Variants in TENM3 observed in about 807,000 individuals in gnomAD.
TENM3 encodes teneurin transmembrane protein 3.
Under a neutral mutation model 255.1 loss-of-function variants are expected in TENM3, and 63 were observed. That is an observed-to-expected ratio of 0.25 (90% CI 0.20 to 0.30). The LOEUF is 0.30. TENM3 is among the 10% of genes least tolerant of loss of function. The pLI is 1.00. For synonymous variants in TENM3, 1,306 were observed against 1,322.3 expected (o/e 0.99, Z 0.27); for missense variants, 2,929 against 3,461.1 (o/e 0.85, Z 3.86).
At chr4:181,779,255 TTTAAG>T in the TENM3 span, among the ~76,000 whole-genome samples, 9 of 132,202 alleles carry the variant, frequency 6.8e-5, no homozygotes, top group South Asian at 9.5e-4. Context: ...TTTCTTTTAC[TTTAAG>T]TTATTTATTT....
chr4:182,371,741 C>T (rs185094393), intron 3 of TENM3, among the ~76,000 whole-genome samples: 1 of 152,292 alleles, frequency 6.6e-6, no homozygotes, highest in Admixed American at 6.5e-5. Context: ...CTCTCCCTCC[C>T]GTCCCCTCTC....
At chr4:182,346,338 C>T (rs891304430) in intron 2 of TENM3, among the ~76,000 whole-genome samples, 3 of 152,044 alleles carry the variant, frequency 2.0e-5, no homozygotes, top group African/African-American at 7.2e-5. Context: ...AAAATTCTAT[C>T]ATTGCACTAA....
At chr4:182,382,103 G>A (rs571724298) in intron 3 of TENM3, among the ~76,000 whole-genome samples, 1 of 152,296 alleles carries the variant, frequency 6.6e-6, no homozygotes, top group East Asian at 1.9e-4. Flanking sequence ...ATGTGGATTT[G>A]GTTGACTATC....
intron 1 of TENM3, among the ~76,000 whole-genome samples, chr4:182,306,608 T>C (rs916424951): frequency 1.3e-5 from 2 of 152,180 alleles, no homozygotes; most frequent in Admixed American, 1.3e-4. Flanking sequence ...TGGATAAATA[T>C]TGTGATACTC....
chr4:182,187,047 T>G (rs1753208312), intron 1 of TENM3, among the ~76,000 whole-genome samples: 1 of 151,410 alleles, frequency 6.6e-6, no homozygotes. Flanking sequence ...TTCAACAGAC[T>G]TTTCTTCCCT....
At chr4:181,922,985 G>T in the TENM3 span, among the ~76,000 whole-genome samples, 6 of 151,958 alleles carry the variant, frequency 3.9e-5, no homozygotes, top group African/African-American at 9.7e-5. Context: ...CCTTCATTTC[G>T]TTATGTACCC....
At chr4:182,062,155 G>A in the TENM3 span, among the ~76,000 whole-genome samples, 10 of 152,092 alleles carry the variant, frequency 6.6e-5, no homozygotes, top group Admixed American at 6.6e-5. Flanking sequence ...TCAAACACAC[G>A]CTGGTAGTAC....
rs188310551 is a variant in TENM3 at position 182,560,554 on chromosome 4, C to T, written c.512-40370C>T. 4.4e-4 allele frequency among the ~76,000 whole-genome samples: 67 copies of T among 152,290 alleles called. 1 individual carries two copies. The East Asian group carries it at 9.7e-3, about 22-fold the overall frequency. Reference sequence around the variant, plus strand: ...TTCAAGAGAGGCAAAGGCACAGTTTCCCTTTTTCTTTCCTACCAGTTAATG... The same window carrying T: ...TTCAAGAGAGGCAAAGGCACAGTTTTCCTTTTTCTTTCCTACCAGTTAATG... On this transcript the variant is annotated intron_variant, in intron 3 of 27. Coordinates refer to ENST00000511685, the MANE Select transcript of TENM3 (RefSeq NM_001080477.4).
At chr4:181,948,115 A>C in the TENM3 span, among the ~76,000 whole-genome samples, 1 of 152,190 alleles carries the variant, frequency 6.6e-6, no homozygotes, top group South Asian at 2.1e-4. Flanking sequence ...AAGTTTGAAA[A>C]CTATAACCGG....
chr4:182,381,924 T>G (rs951122004), intron 3 of TENM3, among the ~76,000 whole-genome samples: 4 of 152,192 alleles, frequency 2.6e-5, no homozygotes, highest in African/African-American at 7.2e-5. Flanking sequence ...AATCGTCTTG[T>G]TCATGTGGTC....
the TENM3 span, among the ~76,000 whole-genome samples, chr4:182,100,748 CACAT>C: frequency 9.3e-6 from 1 of 107,448 alleles, no homozygotes; most frequent in Admixed American, 9.8e-5. Context: ...TATATATACA[CACAT>C]ATATATACAC....
intron 3 of TENM3, among the ~76,000 whole-genome samples, chr4:182,513,830 T>C (rs1268591009): frequency 2.0e-5 from 3 of 152,134 alleles, no homozygotes; most frequent in Non-Finnish European, 4.4e-5. Flanking sequence ...CTCAACCATC[T>C]CCTTTAGTGG....
the TENM3 span, among the ~76,000 whole-genome samples, chr4:181,859,660 C>A: frequency 4.8e-4 from 73 of 152,240 alleles, no homozygotes; most frequent in African/African-American, 1.4e-3. Flanking sequence ...TCAGTGGTAC[C>A]AATGTACTTT....
intron 5 of TENM3, among the ~76,000 whole-genome samples, chr4:182,651,651 C>T (rs184347667): frequency 6.2e-4 from 94 of 151,870 alleles, no homozygotes; most frequent in Non-Finnish European, 1.1e-3. Flanking sequence ...GAGCCGAGAT[C>T]GTGCCACTGC....
chr4:181,537,749 G>A, the TENM3 span, among the ~76,000 whole-genome samples: 1 of 152,188 alleles, frequency 6.6e-6, no homozygotes, highest in Admixed American at 6.5e-5. Flanking sequence ...CGGTGGCTAA[G>A]AAAATCTGCT....
intron 7 of TENM3, among the ~76,000 whole-genome samples, chr4:182,676,214 TG>T (rs1484552894): frequency 2.0e-5 from 3 of 152,236 alleles, no homozygotes; most frequent in Admixed American, 6.5e-5. Flanking sequence ...CCCGTTTGAT[TG>T]TTGCCAAGGA....
At chr4:181,736,550 CA>C in the TENM3 span, among the ~76,000 whole-genome samples, 28 of 151,678 alleles carry the variant, frequency 1.8e-4, no homozygotes, top group South Asian at 5.9e-3. Context: ...GCTAACTGTT[CA>C]AAAAATTTTC....
chr4:181,590,857 A>G, the TENM3 span, among the ~76,000 whole-genome samples: 1 of 152,238 alleles, frequency 6.6e-6, no homozygotes, highest in African/African-American at 2.4e-5. Context: ...ACCAGGTTCA[A>G]TTTTATTATG....
the TENM3 span, among the ~76,000 whole-genome samples, chr4:182,118,112 C>G: frequency 6.6e-6 from 1 of 151,938 alleles, no homozygotes; most frequent in Non-Finnish European, 1.5e-5. Flanking sequence ...TTCTTGTAAA[C>G]TTGCTATAAT....
Sources: gnomAD v4.1 joint callset for allele counts (sites outside exome capture counted in the v4.1 genomes callset) on GRCh38, gnomAD v4.1.1 for gene constraint, MANE v1.5 for transcripts, NCBI Gene and HGNC (gene_info 2026-07-23, HGNC 2026-07-21) for gene names.